Variants in PRKG1 observed in about 807,000 individuals in gnomAD.
PRKG1 encodes the protein protein kinase cGMP-dependent 1.
A neutral mutation model predicts 88.1 loss-of-function variants in PRKG1; 35 were observed. The ratio of observed to expected loss-of-function variants is 0.40; its 90% confidence interval spans 0.30 to 0.53. PRKG1 has a LOEUF of 0.53. Ranked by LOEUF, PRKG1 falls within the 20% of genes least tolerant of loss-of-function variation. The probability of loss-of-function intolerance (pLI) is 0.59; values close to 1 mark genes in which losing one functional copy is unlikely to be tolerated. For synonymous variants in PRKG1, 303 were observed against 292.5 expected, an observed-to-expected ratio of 1.04 and a Z score of -0.37; for missense variants, 540 against 839.8, an observed-to-expected ratio of 0.64 and a Z score of 4.41.
intron 10 of PRKG1, among the ~76,000 whole-genome samples, chr10:52,268,001 T>C (rs1841621263): frequency 6.6e-6 from 1 of 152,098 alleles, no homozygotes; most frequent in Non-Finnish European, 1.5e-5. Context: ...ACTTCAACAT[T>C]CTCCACTGTC....
intron 9 of PRKG1, among the ~76,000 whole-genome samples, chr10:52,218,871 G>A (rs1052635280): frequency 1.3e-5 from 2 of 152,030 alleles, no homozygotes; most frequent in African/African-American, 2.4e-5. Context: ...AAACTAAACT[G>A]TTTAACCATA....
intron 3 of PRKG1, among the ~76,000 whole-genome samples, chr10:51,731,691 A>G (rs1048273101): frequency 6.6e-6 from 1 of 152,218 alleles, no homozygotes; most frequent in Non-Finnish European, 1.5e-5. Flanking sequence ...AAAATTGAAT[A>G]TATAATTTTG....
At chr10:51,133,002 G>A (rs1230835487) in intron 1 of PRKG1, among the ~76,000 whole-genome samples, 1 of 152,094 alleles carries the variant, frequency 6.6e-6, no homozygotes, top group Non-Finnish European at 1.5e-5. Flanking sequence ...CTGGGTTGGA[G>A]GCTTGGTGTC....
Position 51,475,639 on chromosome 10 carries a change from A to G in PRKG1, c.592+7803A>G, listed in dbSNP as rs187099405. 5.0e-3 allele frequency among the ~76,000 whole-genome samples: 759 copies of G among 152,114 alleles called. 6 individuals are homozygous for G. The highest frequency in any genetic ancestry group is 0.017 in the African/African-American group (724 of 41,514). ...TTAAGGAAAGTTGCATTTTTCTTTT[A>G]AGGAGTAAAACACAGCCTTAGTAAA... On this transcript the variant is annotated intron_variant, in intron 3 of 17. Coordinates refer to ENST00000373980, the MANE Select transcript of PRKG1 (RefSeq NM_006258.4).
chr10:50,996,621 A>G (rs1168164450), intron 1 of PRKG1, among the ~76,000 whole-genome samples: 2 of 152,048 alleles, frequency 1.3e-5, no homozygotes, highest in Non-Finnish European at 2.9e-5. Flanking sequence ...TCCTCATCCA[A>G]CTTCTCTAGC....
At chr10:51,005,104 G>A (rs991966416) in intron 1 of PRKG1, among the ~76,000 whole-genome samples, 4 of 151,894 alleles carry the variant, frequency 2.6e-5, no homozygotes, top group East Asian at 1.9e-4. Flanking sequence ...TTTACTGAAC[G>A]ATATCTTTGC....
At chr10:51,613,986 T>G (rs1341984718) in intron 3 of PRKG1, among the ~76,000 whole-genome samples, 2 of 152,042 alleles carry the variant, frequency 1.3e-5, no homozygotes, top group Non-Finnish European at 2.9e-5. Flanking sequence ...TAAAATGTTC[T>G]GTAGTTGTCT....
chr10:51,272,119 G>T (rs191459277), intron 2 of PRKG1, among the ~76,000 whole-genome samples: 2 of 152,286 alleles, frequency 1.3e-5, no homozygotes, highest in Non-Finnish European at 2.9e-5. Context: ...TCTAACTGGT[G>T]TGAAATGGTA....
At chr10:51,465,757 C>T (rs1417282488) in intron 2 of PRKG1, among the ~76,000 whole-genome samples, 3 of 152,096 alleles carry the variant, frequency 2.0e-5, no homozygotes, top group Non-Finnish European at 4.4e-5. Context: ...CCTCTATTAC[C>T]CTATATTGTT....
chr10:52,098,629 T>C (rs1363348122), intron 7 of PRKG1, among the ~76,000 whole-genome samples: 1 of 152,076 alleles, frequency 6.6e-6, no homozygotes, highest in East Asian at 1.9e-4. Flanking sequence ...TGTAAATAGA[T>C]GTATAAATGT....
At chr10:51,981,070 A>G (rs941730672) in intron 5 of PRKG1, among the ~76,000 whole-genome samples, 2 of 152,126 alleles carry the variant, frequency 1.3e-5, no homozygotes. Context: ...GGGTTGCTTT[A>G]CAGTGTCACT....
At chr10:51,715,747 T>C (rs953905133) in intron 3 of PRKG1, among the ~76,000 whole-genome samples, 1 of 152,210 alleles carries the variant, frequency 6.6e-6, no homozygotes, top group African/African-American at 2.4e-5. Flanking sequence ...AAGGGGATGA[T>C]GTAAACGGCC....
At chr10:51,255,722 A>G (rs905766009) in intron 2 of PRKG1, among the ~76,000 whole-genome samples, 1 of 151,218 alleles carries the variant, frequency 6.6e-6, no homozygotes, top group Non-Finnish European at 1.5e-5. Flanking sequence ...CTTTTATTAA[A>G]TGGTTAGGCT....
intron 3 of PRKG1, among the ~76,000 whole-genome samples, chr10:51,472,436 G>A (rs1047442925): frequency 4.6e-5 from 7 of 151,828 alleles, no homozygotes. Context: ...TAAAAATAAT[G>A]CCTATACCTA....
At position 52,212,638 on chromosome 10, in the gene PRKG1, T is replaced by TA. The variant is rs202037912; in HGVS notation, c.1077-38923dup. On this transcript the variant is annotated intron_variant, in intron 9 of 17. Transcript: ENST00000373980. Reference sequence around the variant, plus strand: ...GTAGGGGAGAGAGAGAGAGAGAGATTAAAAAAAAAGAGAAATACTAGTTAC... The same window carrying TA: ...GTAGGGGAGAGAGAGAGAGAGAGATTAAAAAAAAAAGAGAAATACTAGTTAC... Among the ~76,000 whole-genome samples the TA allele has an allele frequency of 5.3e-3, 797 of 149,880 alleles. 4 individuals are homozygous for TA. The highest frequency in any genetic ancestry group is 0.019 in the African/African-American group (761 of 40,800).
At chr10:52,166,797 A>ATGTATATATATG (rs1564498359) in intron 9 of PRKG1, among the ~76,000 whole-genome samples, 1 of 22,686 alleles carries the variant, frequency 4.4e-5, no homozygotes, top group Non-Finnish European at 6.6e-5. Flanking sequence ...CTATATATAT[A>ATGTATATATATG]CATATATATA....
intron 2 of PRKG1, among the ~76,000 whole-genome samples, chr10:51,440,506 G>A (rs1021847503): frequency 6.6e-6 from 1 of 151,894 alleles, no homozygotes; most frequent in Non-Finnish European, 1.5e-5. Context: ...AAGATTTCAA[G>A]AGACTACATG....
At chr10:52,114,330 C>T (rs1249436758) in intron 7 of PRKG1, among the ~76,000 whole-genome samples, 10 of 152,006 alleles carry the variant, frequency 6.6e-5, no homozygotes, top group Non-Finnish European at 1.2e-4. Context: ...CCTTGAATCT[C>T]TTTGAGCTTC....
chr10:51,076,797 G>A (rs951029309), intron 1 of PRKG1, among the ~76,000 whole-genome samples: 3 of 152,148 alleles, frequency 2.0e-5, no homozygotes, highest in Non-Finnish European at 2.9e-5. Flanking sequence ...ATAATTTACA[G>A]CATCCCATTA....
Sources: gnomAD v4.1 joint callset for allele counts (sites outside exome capture counted in the v4.1 genomes callset) on GRCh38, gnomAD v4.1.1 for gene constraint, MANE v1.5 for transcripts, NCBI Gene and HGNC (gene_info 2026-07-23, HGNC 2026-07-21) for gene names.